The following KCNK2 variants were observed in gnomAD, a reference collection of about 807,000 sequenced individuals.
KCNK2 encodes potassium two pore domain channel subfamily K member 2, also known as potassium channel subfamily K member 2.
Under a neutral mutation model 40.5 loss-of-function variants are expected in KCNK2, and 21 were observed. The observed-to-expected ratio is 0.52, with a 90% CI of 0.37 to 0.75. The LOEUF (loss-of-function observed/expected upper bound fraction) is 0.75, where lower values mean the gene tolerates loss of function less well. Ranked by LOEUF, KCNK2 falls within the 30% of genes least tolerant of loss-of-function variation. The pLI, the probability that KCNK2 is intolerant of heterozygous loss-of-function variation, is 0.00. For synonymous variants in KCNK2, 191 were observed against 202.2 expected (o/e 0.94, Z 0.47); for missense variants, 399 against 531.6 (o/e 0.75, Z 2.45).
chr1:215,066,695 T>C (rs1658557004), intron 1 of KCNK2, among the ~76,000 whole-genome samples: 2 of 152,138 alleles, frequency 1.3e-5, no homozygotes, highest in Non-Finnish European at 2.9e-5. Context: ...GGTAGTCTGA[T>C]AGTGTGAAAA....
At chr1:215,089,820 T>C (rs1659613500) in intron 2 of KCNK2, among the ~76,000 whole-genome samples, 1 of 66,868 alleles carries the variant, frequency 1.5e-5, no homozygotes, top group Non-Finnish European at 3.4e-5. Context: ...TTCAGGTTTC[T>C]TTTTCTTTTT....
At chr1:215,095,197 G>C (rs1413353873) in intron 2 of KCNK2, among the ~76,000 whole-genome samples, 1 of 151,926 alleles carries the variant, frequency 6.6e-6, no homozygotes, top group African/African-American at 2.4e-5. Context: ...GTAGTAATTC[G>C]TATTTGTAAA....
chr1:215,172,068 C>T lies in KCNK2; in HGVS notation c.708C>T (p.Leu236=), dbSNP rs752409691. The stretch of plus-strand genomic sequence containing the variant: ...TATTTATACTATTTGGCTGTGTACT[C>T]TTTGTGGCTCTGCCTGCGATCATAT... The part of the protein sequence containing the change: ...TIIFILFGCV[L]FVALPAIIFK... Residue 236 remains leucine (L), a synonymous_variant, in exon 5 of 7, where the codon CTC becomes CTT. Transcript: ENST00000444842. 2 of 1,613,490 alleles carry T rather than the reference C, an allele frequency of 1.2e-6. No individual in the cohort carries two copies. The highest frequency in any genetic ancestry group is 1.7e-5 in the Admixed American group (1 of 59,894).
chr1:215,231,604 G>A lies in KCNK2; in HGVS notation c.964-3224G>A, dbSNP rs563013168. On this transcript the variant is annotated intron_variant, in intron 6 of 6. Transcript: ENST00000444842. ...TAAGACACACAATGAATATGTGGTG[G>A]AGCCAGAATTCAAACTTAGAGGTTT... 7.1e-3 allele frequency among the ~76,000 whole-genome samples: 1,080 copies of A among 152,186 alleles called. 22 individuals are homozygous for A. The highest frequency in any genetic ancestry group is 0.07 in the South Asian group (339 of 4,824).
intron 3 of KCNK2, among the ~76,000 whole-genome samples, chr1:215,154,992 G>C (rs1197344308): frequency 6.6e-6 from 1 of 151,668 alleles, no homozygotes. Context: ...TTTATCCTTT[G>C]TTTTCTTTAT....
upstream of KCNK2, chr1:215,081,964 T>C (rs2363561): frequency 0.58 from 88,838 of 151,864 alleles, 26,482 homozygotes; most frequent in Non-Finnish European, 0.63. Context: ...CGGATCCTGA[T>C]GGGGAGGAGG....
chr1:215,158,176 T>C (rs1276808216), intron 3 of KCNK2, among the ~76,000 whole-genome samples: 2 of 152,208 alleles, frequency 1.3e-5, no homozygotes, highest in Non-Finnish European at 2.9e-5. Flanking sequence ...TCCCTCATTC[T>C]TCCTCTCTTA....
chr1:215,090,155 T>C (rs1659633525), intron 2 of KCNK2, among the ~76,000 whole-genome samples: 1 of 152,172 alleles, frequency 6.6e-6, no homozygotes, highest in Non-Finnish European at 1.5e-5. Flanking sequence ...ACGGATACCA[T>C]TAACAATAGC....
chr1:215,114,407 C>A lies in KCNK2; in HGVS notation c.358-10226C>A, dbSNP rs556627166. 5.6e-4 allele frequency among the ~76,000 whole-genome samples: 86 copies of A among 152,252 alleles called. 1 individual carries two copies. The South Asian group carries it at 0.017, about 30-fold the overall frequency. ...GTTTAATTGCACTTTTGTGTAATAA[C>A]TACTGGACAGGTGTCAAAGGGTAGC... On this transcript the variant is annotated intron_variant, in intron 2 of 6. Coordinates refer to ENST00000444842, the MANE Select transcript of KCNK2 (RefSeq NM_001017425.3).
At chr1:215,190,694 T>G (rs1224317215) in intron 5 of KCNK2, among the ~76,000 whole-genome samples, 1 of 152,190 alleles carries the variant, frequency 6.6e-6, no homozygotes, top group African/African-American at 2.4e-5. Context: ...ATCAGCTTTA[T>G]TGCTGCAAAA....
intron 1 of KCNK2, among the ~76,000 whole-genome samples, chr1:215,076,889 T>C (rs72735327): frequency 0.14 from 21,209 of 152,136 alleles, 2,090 homozygotes; most frequent in South Asian, 0.42. Flanking sequence ...ATCTCAACAC[T>C]AACTGGCTTA....
At position 215,237,035 on chromosome 1, in the gene KCNK2, T is replaced by C. The variant is rs959521189; in HGVS notation, c.*1890T>C. 1.3e-5 allele frequency: 2 copies of C among 152,578 alleles called. No homozygotes were observed. Among genetic ancestry groups the C allele is most frequent in the African/African-American group, 4.8e-5 (2 of 41,432 alleles). 9.5% of individuals were successfully genotyped at this position (152,578 alleles called of 1,614,324 possible). ...TGTTCCGAAAATTTATATGGTGGAA[T>C]GCGCCATGTATAAACTGTGAATTGT... On this transcript the variant is annotated 3_prime_UTR_variant, in exon 7 of 7. Coordinates refer to ENST00000444842, the MANE Select transcript of KCNK2 (RefSeq NM_001017425.3).
rs528123857 is a variant in KCNK2 at position 215,159,440 on chromosome 1, G to A, written c.476-9759G>A. Among the ~76,000 whole-genome samples the A allele has an allele frequency of 2.6e-5, 4 of 152,252 alleles. No individual in the cohort carries two copies. In the South Asian group the frequency reaches 8.3e-4, roughly 32 times the overall value. On this transcript the variant is annotated intron_variant, in intron 3 of 6. Coordinates refer to ENST00000444842, the MANE Select transcript of KCNK2 (RefSeq NM_001017425.3). ...CTGGGTGGACAAGAATTTTACTTGC[G>A]TCTTCTCTAATTCCTTCTTTCCCCT...
At chr1:215,093,035 G>C (rs545396392) in intron 2 of KCNK2, among the ~76,000 whole-genome samples, 4 of 152,182 alleles carry the variant, frequency 2.6e-5, no homozygotes, top group Admixed American at 1.3e-4. Flanking sequence ...TGGAGTTTGC[G>C]GGAGGGGCCA....
At chr1:215,198,255 T>A (rs1483444006) in intron 6 of KCNK2, among the ~76,000 whole-genome samples, 1 of 152,198 alleles carries the variant, frequency 6.6e-6, no homozygotes, top group Non-Finnish European at 1.5e-5. Context: ...GTCAAGGCTA[T>A]GACCAGAGCT....
chr1:215,123,869 C>T (rs909171579), intron 2 of KCNK2, among the ~76,000 whole-genome samples: 8 of 151,418 alleles, frequency 5.3e-5, no homozygotes, highest in African/African-American at 1.9e-4. Context: ...CTTCTCCAAC[C>T]CCCACCTCCC....
chr1:215,226,488 GC>G (rs1558148392), intron 6 of KCNK2, among the ~76,000 whole-genome samples: 1 of 152,078 alleles, frequency 6.6e-6, no homozygotes. Context: ...ATCACGCCTG[GC>G]TAATTTTATG....
chr1:215,139,675 TG>T (rs1438650684), intron 3 of KCNK2, among the ~76,000 whole-genome samples: 2 of 152,014 alleles, frequency 1.3e-5, no homozygotes, highest in African/African-American at 2.4e-5. Context: ...CCCAGCTATT[TG>T]GGGGACTGAG....
chr1:215,124,514 G>C (rs979495194), intron 2 of KCNK2, 119 bp from the exon 3 acceptor site: 1 of 726,604 alleles, frequency 1.4e-6, no homozygotes, highest in Admixed American at 2.2e-5. Context: ...TTAAATGGAA[G>C]AGCAAAATGT....
Sources: gnomAD v4.1 joint callset for allele counts (sites outside exome capture counted in the v4.1 genomes callset) on GRCh38, gnomAD v4.1.1 for gene constraint, MANE v1.5 for transcripts, NCBI Gene and HGNC (gene_info 2026-07-23, HGNC 2026-07-21) for gene names.